GALNT18: variants seen among roughly 807,000 people sequenced by gnomAD.
The protein encoded by GALNT18 is polypeptide N-acetylgalactosaminyltransferase 18.
GALNT18 carries 44 observed loss-of-function variants against 69.5 expected under a neutral mutation model. That is an observed-to-expected ratio of 0.63 (90% CI 0.50 to 0.81). GALNT18 has a LOEUF of 0.81. Among genes scored for constraint, GALNT18 ranks in the 40% least tolerant of loss-of-function variants. GALNT18 has a pLI of 0.00. For missense variants in GALNT18, 715 were observed against 810.0 expected (o/e 0.88, Z 1.42); for synonymous variants, 364 against 318.2 (o/e 1.14, Z -1.53).
intron 2 of GALNT18, among the ~76,000 whole-genome samples, chr11:11,433,275 C>T (rs1855317160): frequency 6.6e-6 from 1 of 152,262 alleles, no homozygotes; most frequent in Non-Finnish European, 1.5e-5. Flanking sequence ...CTCCAGAAGG[C>T]ATACTGCCTG....
intron 6 of GALNT18, among the ~76,000 whole-genome samples, chr11:11,365,752 C>T (rs927224947): frequency 9.9e-5 from 15 of 152,060 alleles, no homozygotes; most frequent in Admixed American, 9.8e-4. Context: ...TTTCAAGTCT[C>T]ATTTATGATA....
rs1344514515 is a variant in GALNT18, at chr11:11,619,351, G to A, written c.235+2008C>T. Among the ~76,000 whole-genome samples the A allele has an allele frequency of 1.3e-5, 2 of 152,128 alleles. No homozygotes were observed. The highest frequency in any genetic ancestry group is 4.8e-5 in the African/African-American group (2 of 41,422). ...ATTTTTCAGGTATAGATTTGAAAGT[G>A]CTGAACAACACATAGTTATAAAGTT... On this transcript the variant is annotated intron_variant, in intron 1 of 10. Transcript: ENST00000227756. This position sits in a 1 kb window ranked among gnomAD's most constrained non-coding sequence, Gnocchi z 4.9.
intron 3 of GALNT18, among the ~76,000 whole-genome samples, chr11:11,418,976 T>C (rs1270304200): frequency 1.3e-5 from 2 of 152,134 alleles, no homozygotes; most frequent in Admixed American, 6.5e-5. Context: ...ACCTACACAG[T>C]GAACCAGGTC....
chr11:11,458,298 G>T (rs4910007), intron 1 of GALNT18, among the ~76,000 whole-genome samples: 74,175 of 151,682 alleles, frequency 0.49, 18,815 homozygotes, highest in Admixed American at 0.59. Context: ...TCATAAAGAA[G>T]GTTTTCCTTT....
intron 7 of GALNT18, among the ~76,000 whole-genome samples, chr11:11,335,085 T>C (rs1850087429): frequency 6.6e-6 from 1 of 152,244 alleles, no homozygotes; most frequent in South Asian, 2.1e-4. Flanking sequence ...GTGTCTGTTT[T>C]ATAGGGAGCC....
In GALNT18 at chr11:11,592,483, A is replaced by G. The variant is rs1859380611; in HGVS notation, c.235+28876T>C. 6.6e-6 allele frequency among the ~76,000 whole-genome samples: 1 copy of G among 152,142 alleles called. No homozygotes were observed. ...GCCAAATAAGGGGTTCACTCCCTCA[A>G]GTTCCTACCATGGCTCCCTGGCAGA... On this transcript the variant is annotated intron_variant, in intron 1 of 10. Transcript: ENST00000227756. The surrounding 1 kb of genome is among the most constrained non-coding windows in gnomAD (Gnocchi z 5.9).
chr11:11,314,383 T>C lies in GALNT18; in HGVS notation c.1512+12703A>G, dbSNP rs1247663015. ...AATGAATAACAAATCAAGCAGCTCC[T>C]TTTTTTTTTTTTAGCATGGAAGCTG... On this transcript the variant is annotated intron_variant, in intron 9 of 10. Coordinates refer to ENST00000227756, the MANE Select transcript of GALNT18 (RefSeq NM_198516.3). The surrounding 1 kb of genome is among the most constrained non-coding windows in gnomAD (Gnocchi z 5.2). Among the ~76,000 whole-genome samples, 1 of 2,598 alleles carries C rather than the reference T, an allele frequency of 3.8e-4. No individual in the cohort carries two copies. 1.7% of individuals were successfully genotyped at this position (2,598 alleles called of 152,430 possible). A position where few individuals can be genotyped will look rare whatever the true frequency, so the allele number is the denominator to read the frequency against.
chr11:11,594,916 CGT>C (rs34880134), intron 1 of GALNT18, among the ~76,000 whole-genome samples: 45,900 of 139,662 alleles, frequency 0.33, 7,695 homozygotes, highest in East Asian at 0.47. Flanking sequence ...ACAAAATATG[CGT>C]GTGTGTATAT....
chr11:11,516,464 T>C (rs1261981780), intron 1 of GALNT18, among the ~76,000 whole-genome samples: 3 of 152,112 alleles, frequency 2.0e-5, no homozygotes, highest in Admixed American at 1.3e-4. Context: ...AAACCCCATC[T>C]CTACTAAAAA....
chr11:11,502,460 C>T (rs7483836), intron 1 of GALNT18, among the ~76,000 whole-genome samples: 150,871 of 152,346 alleles, frequency 0.99, 74,726 homozygotes, highest in Middle Eastern at 1. Flanking sequence ...TTGGCTTCTG[C>T]GCAAAGGAAA....
At chr11:11,452,377 T>C (rs1395737719) in intron 1 of GALNT18, among the ~76,000 whole-genome samples, 1 of 152,196 alleles carries the variant, frequency 6.6e-6, no homozygotes, top group African/African-American at 2.4e-5. Flanking sequence ...AATGAGATGG[T>C]CAGGTAAGGA....
chr11:11,458,548 G>T (rs1855971498), intron 1 of GALNT18, among the ~76,000 whole-genome samples: 1 of 152,228 alleles, frequency 6.6e-6, no homozygotes, highest in African/African-American at 2.4e-5. Flanking sequence ...CCAATGATGA[G>T]AAGTCACCAT....
At chr11:11,417,127 T>C (rs1854884897) in intron 3 of GALNT18, among the ~76,000 whole-genome samples, 1 of 152,128 alleles carries the variant, frequency 6.6e-6, no homozygotes. Context: ...GGCATCTGAG[T>C]CTACAACCCA....
At chr11:11,489,706 C>T (rs367639705) in intron 1 of GALNT18, among the ~76,000 whole-genome samples, 3 of 152,136 alleles carry the variant, frequency 2.0e-5, no homozygotes, top group South Asian at 2.1e-4. Context: ...TAATAGCAAA[C>T]ATTTATGTAG....
rs1270249960 is a variant in GALNT18, at chr11:11,546,514, T to A, written c.235+74845A>T. 6.6e-6 allele frequency among the ~76,000 whole-genome samples: 1 copy of A among 152,194 alleles called. No homozygotes were observed. Among genetic ancestry groups the A allele is most frequent in the Non-Finnish European group, 1.5e-5 (1 of 68,042 alleles). ...TCCCGTCTCTATAGTCCTCTACAAA[T>A]CAAATTCTGCCACTGCAATGCTGTA... On this transcript the variant is annotated intron_variant, in intron 1 of 10. Coordinates refer to ENST00000227756, the MANE Select transcript of GALNT18 (RefSeq NM_198516.3). This position sits in a 1 kb window ranked among gnomAD's most constrained non-coding sequence, Gnocchi z 5.8.
intron 1 of GALNT18, among the ~76,000 whole-genome samples, chr11:11,517,611 C>T (rs569842344): frequency 5.5e-4 from 83 of 152,212 alleles, no homozygotes; most frequent in Admixed American, 1.1e-3. Context: ...ACAGATCTGG[C>T]CTGTTCTAAA....
At chr11:11,279,495 A>T (rs1212635093) in intron 10 of GALNT18, among the ~76,000 whole-genome samples, 1 of 152,166 alleles carries the variant, frequency 6.6e-6, no homozygotes, top group East Asian at 1.9e-4. Context: ...TATAAAACTA[A>T]CCTGGAGATA....
At chr11:11,313,333 G>A (rs1849700589) in intron 9 of GALNT18, among the ~76,000 whole-genome samples, 1 of 152,156 alleles carries the variant, frequency 6.6e-6, no homozygotes, top group East Asian at 1.9e-4. Flanking sequence ...GGGTAGCGCT[G>A]ATTGAGAGAT....
In GALNT18 at chr11:11,432,928, T is replaced by C; in HGVS notation, c.429-141A>G. On this transcript the variant is annotated intron_variant, in intron 2 of 10. Coordinates refer to ENST00000227756, the MANE Select transcript of GALNT18 (RefSeq NM_198516.3). The surrounding 1 kb of genome is among the most constrained non-coding windows in gnomAD (Gnocchi z 5.8). Reference sequence around the variant, plus strand: ...CCAAGGGCCCCTTCTTTGATGCACTTAAGATGAGCCCTAAATGTCCAGCAG... The same window carrying C: ...CCAAGGGCCCCTTCTTTGATGCACTCAAGATGAGCCCTAAATGTCCAGCAG... The C allele has an allele frequency of 1.4e-6, 1 of 712,330 alleles. No individual in the cohort carries two copies. The highest frequency in any genetic ancestry group is 2.7e-5 in the East Asian group (1 of 36,688). The allele number at this position is 712,330 out of a possible 1,614,324, so 44.1% of individuals were successfully genotyped here.
Sources: gnomAD v4.1 joint callset for allele counts (sites outside exome capture counted in the v4.1 genomes callset) on GRCh38, gnomAD v4.1.1 for gene constraint, Gnocchi (gnomAD v3.1) non-coding constraint, MANE v1.5 for transcripts, NCBI Gene and HGNC (gene_info 2026-07-23, HGNC 2026-07-21) for gene names.